JAK2: variants seen among roughly 807,000 people sequenced by gnomAD.
JAK2 encodes Janus kinase 2, also known as tyrosine-protein kinase JAK2.
Under a neutral mutation model 139.3 loss-of-function variants are expected in JAK2, and 86 were observed. The observed-to-expected ratio is 0.62, with a 90% CI of 0.52 to 0.74. JAK2 has a LOEUF of 0.74. Ranked by LOEUF, JAK2 falls within the 30% of genes least tolerant of loss-of-function variation. The probability of loss-of-function intolerance (pLI) is 0.00; values close to 1 mark genes in which losing one functional copy is unlikely to be tolerated. For synonymous variants in JAK2, 490 were observed against 437.7 expected (o/e 1.12, Z -1.49); for missense variants, 1,421 against 1,360.3 (o/e 1.04, Z -0.70).
chr9:5,121,194 T>C (rs1014738000), intron 22 of JAK2, among the ~76,000 whole-genome samples: 3 of 152,086 alleles, frequency 2.0e-5, no homozygotes, highest in African/African-American at 7.2e-5. Context: ...GGAAAACAAT[T>C]TTATGATTGA....
At chr9:5,102,290 A>G (rs933573311) in intron 22 of JAK2, among the ~76,000 whole-genome samples, 8 of 152,204 alleles carry the variant, frequency 5.3e-5, no homozygotes, top group Non-Finnish European at 1.2e-4. Context: ...AAAGGGTATC[A>G]GTGATTGAAG....
chr9:4,999,486 C>G (rs1820801902), intron 2 of JAK2, among the ~76,000 whole-genome samples: 1 of 152,148 alleles, frequency 6.6e-6, no homozygotes, highest in African/African-American at 2.4e-5. Context: ...TTGTGATTGA[C>G]AGAACTTGCT....
chr9:4,990,835 G>C (rs1216191495), intron 2 of JAK2, among the ~76,000 whole-genome samples: 2 of 152,194 alleles, frequency 1.3e-5, no homozygotes, highest in Admixed American at 1.3e-4. Flanking sequence ...TTTAACAAAA[G>C]ACCTTTGGAT....
intron 15 of JAK2, among the ~76,000 whole-genome samples, 156 bp from the exon 16 acceptor site, chr9:5,078,150 G>C (rs2130587598): frequency 6.6e-6 from 1 of 152,240 alleles, no homozygotes; most frequent in African/African-American, 2.4e-5. Flanking sequence ...AGGAAGCATA[G>C]GAGTCATAAA....
At chr9:5,115,385 G>C (rs950331436) in intron 22 of JAK2, among the ~76,000 whole-genome samples, 2 of 152,162 alleles carry the variant, frequency 1.3e-5, no homozygotes, top group Non-Finnish European at 2.9e-5. Context: ...CAGTTAGAAT[G>C]GCGATCATTA....
At chr9:5,037,875 A>T (rs1209358663) in intron 4 of JAK2, among the ~76,000 whole-genome samples, 2 of 152,190 alleles carry the variant, frequency 1.3e-5, no homozygotes, top group Non-Finnish European at 2.9e-5. Flanking sequence ...ATGAAAAGGC[A>T]AATTGTAAAG....
At chr9:5,042,587 C>T (rs1816672187) in intron 4 of JAK2, among the ~76,000 whole-genome samples, 1 of 138,826 alleles carries the variant, frequency 7.2e-6, no homozygotes, top group South Asian at 2.3e-4. Flanking sequence ...ATCCTGGAGG[C>T]CCCCAGGGCT....
At chr9:5,112,507 C>G (rs576375080) in intron 22 of JAK2, 20 of 565,452 alleles carry the variant, frequency 3.5e-5, no homozygotes, top group African/African-American at 3.3e-4. Context: ...GGAAGATGAC[C>G]TTTTCCCCCC....
chr9:5,051,547 T>C (rs1195994322), intron 6 of JAK2, among the ~76,000 whole-genome samples: 1 of 152,212 alleles, frequency 6.6e-6, no homozygotes, highest in Non-Finnish European at 1.5e-5. Flanking sequence ...GGTATTCTTA[T>C]ACAAATGGTC....
At chr9:5,011,786 A>T (rs1448326340) in intron 2 of JAK2, among the ~76,000 whole-genome samples, 1 of 152,210 alleles carries the variant, frequency 6.6e-6, no homozygotes, top group East Asian at 1.9e-4. Context: ...AGTTAAATTT[A>T]CTAGCAGACC....
Position 5,093,075 on chromosome 9 carries a change from T to C in JAK2, c.3059+2164T>C, listed in dbSNP as rs77698650. Among the ~76,000 whole-genome samples, 461 of 152,286 alleles carry C rather than the reference T, an allele frequency of 3.0e-3. 2 individuals are homozygous for C. Among genetic ancestry groups the C allele is most frequent in the African/African-American group, 0.011 (440 of 41,570 alleles). ...TACACTGGTCTAATCTATTATTTAA[T>C]AGAAGCAATAATGTTAATATAAATA... is the stretch of plus-strand genomic sequence containing the variant. On this transcript the variant is annotated intron_variant, in intron 22 of 24. Transcript: ENST00000381652.
chr9:4,991,999 T>C (rs1192232679), intron 2 of JAK2, among the ~76,000 whole-genome samples: 1 of 152,190 alleles, frequency 6.6e-6, no homozygotes, highest in Admixed American at 6.6e-5. Context: ...ACAACTACTT[T>C]ATTAGGCTCA....
intron 2 of JAK2, among the ~76,000 whole-genome samples, chr9:5,018,785 G>T (rs1425632102): frequency 6.6e-6 from 1 of 152,194 alleles, no homozygotes; most frequent in African/African-American, 2.4e-5. Flanking sequence ...GCTGGGTATA[G>T]TATCCTTGAC....
chr9:5,042,185 C>A (rs1269406097), intron 4 of JAK2, among the ~76,000 whole-genome samples: 1 of 142,026 alleles, frequency 7.0e-6, no homozygotes, highest in South Asian at 2.2e-4. Context: ...GGCCGGACTG[C>A]GGACTGCAGT....
intron 3 of JAK2, among the ~76,000 whole-genome samples, chr9:5,023,266 T>C (rs576991732): frequency 1.3e-5 from 2 of 152,360 alleles, no homozygotes; most frequent in East Asian, 3.9e-4. Context: ...TATTTGTCTT[T>C]CAGTTCCTGG....
chr9:5,033,616 C>A (rs1823335353), intron 4 of JAK2, among the ~76,000 whole-genome samples: 2 of 152,104 alleles, frequency 1.3e-5, no homozygotes. Context: ...ATTTTCAACC[C>A]AGAATGTCAT....
chr9:5,002,491 T>A (rs1323642330), intron 2 of JAK2, among the ~76,000 whole-genome samples: 1 of 152,050 alleles, frequency 6.6e-6, no homozygotes, highest in Non-Finnish European at 1.5e-5. Context: ...TGGCCAAGAA[T>A]ATAATTCATA....
chr9:5,100,706 G>C (rs1184094892), intron 22 of JAK2: 1 of 152,194 alleles, frequency 6.6e-6, no homozygotes. Context: ...GAAATCGAAA[G>C]CAAATAATTC....
At chr9:5,060,131 A>T (rs971948015) in intron 8 of JAK2, among the ~76,000 whole-genome samples, 2 of 152,214 alleles carry the variant, frequency 1.3e-5, no homozygotes, top group African/African-American at 4.8e-5. Context: ...TGTCTTAAAA[A>T]TTAATTTAAA....
Sources: allele counts gnomAD v4.1 joint callset (sites outside exome capture counted in the v4.1 genomes callset), GRCh38; gene constraint gnomAD v4.1.1; transcripts MANE v1.5; gene names NCBI Gene and HGNC (gene_info 2026-07-23, HGNC 2026-07-21).